Variants in WWOX observed in about 807,000 individuals in gnomAD.
WWOX encodes the protein WW domain-containing oxidoreductase.
WWOX carries 69 observed loss-of-function variants against 46.2 expected under a neutral mutation model. That is an observed-to-expected ratio of 1.49 (90% confidence interval 1.23 to 1.82). The LOEUF is 1.82. WWOX is among the 40% of genes most tolerant of loss of function. WWOX has a pLI of 0.00. For missense variants in WWOX, 919 were observed against 542.6 expected, an observed-to-expected ratio of 1.69 and a Z score of -6.89; for synonymous variants, 359 against 202.6, an observed-to-expected ratio of 1.77 and a Z score of -6.56.
At chr16:78,673,613 G>A (rs2047518649) in intron 8 of WWOX, among the ~76,000 whole-genome samples, 1 of 152,188 alleles carries the variant, frequency 6.6e-6, no homozygotes, top group Non-Finnish European at 1.5e-5. Flanking sequence ...GTTACGACTT[G>A]CTAAAAGAAA....
chr16:78,167,384 G>A (rs2035008076), intron 5 of WWOX: 2 of 152,102 alleles, frequency 1.3e-5, no homozygotes, highest in African/African-American at 2.4e-5. Flanking sequence ...GGGTCCCTGT[G>A]AGTCAATTTC....
At chr16:78,785,090 A>G (rs1420216724) in intron 8 of WWOX, among the ~76,000 whole-genome samples, 1 of 152,216 alleles carries the variant, frequency 6.6e-6, no homozygotes, top group Non-Finnish European at 1.5e-5. Context: ...GGAATATACT[A>G]ACTGAGAAAT....
At chr16:78,511,886 T>G (rs1384738855) in intron 8 of WWOX, among the ~76,000 whole-genome samples, 1 of 152,232 alleles carries the variant, frequency 6.6e-6, no homozygotes, top group Admixed American at 6.5e-5. Flanking sequence ...ACATGCTGTT[T>G]ATGACATTAT....
chr16:79,054,064 C>T (rs977393309), intron 8 of WWOX, among the ~76,000 whole-genome samples: 2 of 151,888 alleles, frequency 1.3e-5, no homozygotes, highest in Non-Finnish European at 1.5e-5. Flanking sequence ...TTGATACCTG[C>T]TCTCTGAGCC....
chr16:78,739,129 G>A (rs1048795541), intron 8 of WWOX, among the ~76,000 whole-genome samples: 1 of 152,100 alleles, frequency 6.6e-6, no homozygotes, highest in African/African-American at 2.4e-5. Context: ...GCAGGCCAGT[G>A]GTAACCTCTG....
intron 8 of WWOX, among the ~76,000 whole-genome samples, chr16:78,789,159 G>C (rs535289813): frequency 1.3e-5 from 2 of 152,254 alleles, no homozygotes; most frequent in East Asian, 3.9e-4. Context: ...CGCATTTGGT[G>C]AGAGGAGTCT....
intron 8 of WWOX, among the ~76,000 whole-genome samples, chr16:78,440,288 C>G (rs1048930980): frequency 3.3e-5 from 5 of 152,248 alleles, no homozygotes; most frequent in East Asian, 3.9e-4. Context: ...CTTGACCCAC[C>G]ATACCTCAAG....
intron 8 of WWOX, among the ~76,000 whole-genome samples, chr16:79,134,243 G>T (rs1401244698): frequency 6.6e-6 from 1 of 152,050 alleles, no homozygotes; most frequent in African/African-American, 2.4e-5. Flanking sequence ...TAACTGCTGA[G>T]GGCAGTACAT....
chr16:78,218,449 A>G (rs1342146170), intron 5 of WWOX, among the ~76,000 whole-genome samples: 2 of 152,110 alleles, frequency 1.3e-5, no homozygotes, highest in East Asian at 1.9e-4. Context: ...GTAACTCTAT[A>G]GGACTAAGGG....
intron 8 of WWOX, among the ~76,000 whole-genome samples, chr16:78,522,361 T>A (rs976858764): frequency 6.6e-6 from 1 of 152,182 alleles, no homozygotes; most frequent in Non-Finnish European, 1.5e-5. Flanking sequence ...TCTTTGAGTG[T>A]TTCTGAGGCC....
In WWOX at chr16:78,099,860, A is replaced by C. The variant is rs771726317; in HGVS notation, c.82A>C (p.Lys28Gln). Residue 28 changes from lysine (K) to glutamine (Q), a missense_variant, in exon 1 of 9, where the codon AAG becomes CAG. Physicochemically the swap from Lys to Gln is moderately conservative, Grantham distance 53. Coordinates refer to ENST00000566780, the MANE Select transcript of WWOX (RefSeq NM_016373.4). ...LPPGWEERTT[K>Q]DGWVYYANHT... ...TCCGGGCTGGGAGGAGAGAACCACCAAGGACGGCTGGGTTTACTACGCCAA... is the reference window on the plus strand; with the variant it reads ...TCCGGGCTGGGAGGAGAGAACCACCCAGGACGGCTGGGTTTACTACGCCAA... The C allele has an allele frequency of 8.2e-6, 13 of 1,577,410 alleles. No homozygotes were observed. The highest frequency in any genetic ancestry group is 1.1e-5 in the Non-Finnish European group (13 of 1,162,436).
At chr16:78,611,968 C>T (rs1004546489) in intron 8 of WWOX, among the ~76,000 whole-genome samples, 1 of 152,214 alleles carries the variant, frequency 6.6e-6, no homozygotes, top group African/African-American at 2.4e-5. Flanking sequence ...AACAGCCATA[C>T]AGCCTAGCCC....
At chr16:78,670,088 C>A (rs1040657665) in intron 8 of WWOX, among the ~76,000 whole-genome samples, 2 of 152,052 alleles carry the variant, frequency 1.3e-5, no homozygotes, top group Non-Finnish European at 2.9e-5. Flanking sequence ...TTCCCGGCCG[C>A]CCCCGGAAGC....
At chr16:78,494,059 C>T (rs1271432363) in intron 8 of WWOX, among the ~76,000 whole-genome samples, 11 of 152,074 alleles carry the variant, frequency 7.2e-5, no homozygotes, top group East Asian at 3.9e-4. Flanking sequence ...TTCTGCCTCT[C>T]GGGAGGCCTC....
rs1182360643 is a variant in WWOX, at chr16:78,314,684, A to AG, written c.517-72172dup. Among the ~76,000 whole-genome samples, 688 of 87,398 alleles carry AG rather than the reference A, an allele frequency of 7.9e-3. 19 individuals carry two copies. Among genetic ancestry groups the AG allele is most frequent in the South Asian group, 0.059 (127 of 2,148 alleles). The allele number at this position is 87,398 out of a possible 152,430, so 57.3% of individuals were successfully genotyped here. On this transcript the variant is annotated intron_variant, in intron 5 of 8. Transcript: ENST00000566780. ...GGACTACAGGCACACCCCACCCTGC[A>AG]GGGGTTTTTTTTTTTTGTTTTTTTT...
At position 78,219,752 on chromosome 16, in the gene WWOX, A is replaced by C. The variant is rs2036832582; in HGVS notation, c.516+55463A>C. ...GTCCTAAAACAATAAAGACCCCAAGAACTCACCCTGGAATATGTACCTCCA... is the reference window on the plus strand; with the variant it reads ...GTCCTAAAACAATAAAGACCCCAAGCACTCACCCTGGAATATGTACCTCCA... On this transcript the variant is annotated intron_variant, in intron 5 of 8. Transcript: ENST00000566780. Among the ~76,000 whole-genome samples the C allele has an allele frequency of 1.3e-5, 2 of 152,022 alleles. 1 individual carries two copies. Among genetic ancestry groups the C allele is most frequent in the South Asian group, 4.2e-4 (2 of 4,792 alleles).
At chr16:79,129,478 T>C (rs1597400034) in intron 8 of WWOX, among the ~76,000 whole-genome samples, 1 of 151,014 alleles carries the variant, frequency 6.6e-6, no homozygotes, top group East Asian at 1.9e-4. Context: ...GAGTACATGA[T>C]TGTGTTTTAA....
intron 8 of WWOX, among the ~76,000 whole-genome samples, chr16:78,472,580 G>T (rs550819710): frequency 7.1e-4 from 108 of 152,120 alleles, no homozygotes; most frequent in African/African-American, 2.5e-3. Flanking sequence ...AGGCCAAGGC[G>T]GGTGGATCAC....
intron 5 of WWOX, among the ~76,000 whole-genome samples, chr16:78,245,823 C>G (rs1008712867): frequency 6.6e-6 from 1 of 152,196 alleles, no homozygotes; most frequent in Non-Finnish European, 1.5e-5. Flanking sequence ...ACCCAAGTGC[C>G]TGGGCGCTTC....
Sources: gnomAD v4.1 joint callset for allele counts (sites outside exome capture counted in the v4.1 genomes callset) on GRCh38, gnomAD v4.1.1 for gene constraint, MANE v1.5 for transcripts, NCBI Gene and HGNC (gene_info 2026-07-23, HGNC 2026-07-21) for gene names.